GPC5: variants seen among roughly 807,000 people sequenced by gnomAD.
GPC5 encodes the protein glypican-5.
In GPC5, 47 loss-of-function variants were observed where a neutral mutation model predicts 53.9. That is an observed-to-expected ratio of 0.87 (90% confidence interval 0.69 to 1.11). GPC5 has a LOEUF of 1.11. Among genes scored for constraint, GPC5 ranks in the 50% most tolerant of loss-of-function variants. The probability of loss-of-function intolerance (pLI) is 0.00; values close to 1 mark genes in which losing one functional copy is unlikely to be tolerated. For missense variants in GPC5, 748 were observed against 713.1 expected, an observed-to-expected ratio of 1.05 and a Z score of -0.56; for synonymous variants, 286 against 263.3, an observed-to-expected ratio of 1.09 and a Z score of -0.84.
At chr13:92,195,849 A>G (rs2042253038) in intron 7 of GPC5, among the ~76,000 whole-genome samples, 1 of 152,200 alleles carries the variant, frequency 6.6e-6, no homozygotes, top group Admixed American at 6.5e-5. Context: ...TGATCTACCC[A>G]TTCATCTACT....
intron 6 of GPC5, among the ~76,000 whole-genome samples, chr13:91,980,427 C>T (rs1292810377): frequency 1.3e-5 from 2 of 152,062 alleles, no homozygotes; most frequent in East Asian, 3.9e-4. Flanking sequence ...CAAATATATA[C>T]ACTCACGGAA....
chr13:92,260,782 A>G lies in GPC5; in HGVS notation c.1561+115793A>G, dbSNP rs138381043. 3.9e-4 allele frequency among the ~76,000 whole-genome samples: 59 copies of G among 152,284 alleles called. 1 individual carries two copies. In the East Asian group the frequency reaches 0.011, roughly 28 times the overall value. ...TGGTAGAAAGACTGATAAAACATCC[A>G]TCTCTATTCCTGTCTTATTACTTGA... On this transcript the variant is annotated intron_variant, in intron 7 of 7. Coordinates refer to ENST00000377067, the MANE Select transcript of GPC5 (RefSeq NM_004466.6).
At chr13:91,683,195 G>A (rs1212266891) in intron 2 of GPC5, among the ~76,000 whole-genome samples, 8 of 152,094 alleles carry the variant, frequency 5.3e-5, no homozygotes, top group Non-Finnish European at 2.9e-5. Flanking sequence ...GACAATGTGA[G>A]ATTAGAGTGA....
intron 7 of GPC5, among the ~76,000 whole-genome samples, chr13:92,317,616 C>T (rs1029847580): frequency 2.6e-5 from 4 of 152,148 alleles, no homozygotes; most frequent in Non-Finnish European, 5.9e-5. Context: ...GCCTCAGCCT[C>T]CTGAGAAGCT....
chr13:92,469,620 A>G (rs1256749626), intron 7 of GPC5, among the ~76,000 whole-genome samples: 4 of 152,078 alleles, frequency 2.6e-5, no homozygotes, highest in Non-Finnish European at 5.9e-5. Context: ...AAAGCCTTAA[A>G]TCTTGTCTGT....
chr13:91,767,770 A>G (rs552561819), intron 5 of GPC5, among the ~76,000 whole-genome samples: 2 of 152,212 alleles, frequency 1.3e-5, no homozygotes, highest in Non-Finnish European at 2.9e-5. Flanking sequence ...AAGATAAAAG[A>G]TAGCAAGATA....
chr13:91,403,552 A>C (rs1877106630), intron 1 of GPC5, among the ~76,000 whole-genome samples: 1 of 152,216 alleles, frequency 6.6e-6, no homozygotes, highest in Non-Finnish European at 1.5e-5. Context: ...TTGTGGTTGC[A>C]GAGTGCCTTT....
intron 1 of GPC5, among the ~76,000 whole-genome samples, chr13:91,405,170 G>A (rs1192900917): frequency 6.6e-6 from 1 of 152,196 alleles, no homozygotes; most frequent in Non-Finnish European, 1.5e-5. Flanking sequence ...TCATGGCTTT[G>A]TACATGATTT....
At chr13:92,857,600 A>G (rs1217592190) in intron 7 of GPC5, among the ~76,000 whole-genome samples, 1 of 152,196 alleles carries the variant, frequency 6.6e-6, no homozygotes, top group African/African-American at 2.4e-5. Context: ...AGAGTCTATA[A>G]GGAAGTTAAA....
At chr13:92,817,203 C>G (rs2078290999) in intron 7 of GPC5, among the ~76,000 whole-genome samples, 1 of 152,014 alleles carries the variant, frequency 6.6e-6, no homozygotes, top group Non-Finnish European at 1.5e-5. Context: ...CCCACACATA[C>G]ACAAACTTTC....
At chr13:92,264,910 G>C (rs1171544693) in intron 7 of GPC5, among the ~76,000 whole-genome samples, 1 of 135,274 alleles carries the variant, frequency 7.4e-6, no homozygotes, top group African/African-American at 2.8e-5. Context: ...GTGTGTGTGT[G>C]TGTGTGTGTG....
At chr13:91,800,617 A>G (rs1353238292) in intron 5 of GPC5, among the ~76,000 whole-genome samples, 5 of 152,144 alleles carry the variant, frequency 3.3e-5, no homozygotes, top group Non-Finnish European at 5.9e-5. Flanking sequence ...CAGAGTACAT[A>G]ATATGCTTAA....
intron 7 of GPC5, among the ~76,000 whole-genome samples, chr13:92,484,230 C>A (rs1232938661): frequency 6.6e-6 from 1 of 152,118 alleles, no homozygotes. Flanking sequence ...ACTGGAGGGA[C>A]TTCAAGGTCA....
At chr13:91,902,712 G>T (rs1188610486) in intron 5 of GPC5, among the ~76,000 whole-genome samples, 5 of 151,980 alleles carry the variant, frequency 3.3e-5, no homozygotes, top group African/African-American at 1.2e-4. Flanking sequence ...GTCACGAGGG[G>T]AACTCAAATA....
intron 7 of GPC5, among the ~76,000 whole-genome samples, chr13:92,738,522 T>C (rs1031904097): frequency 5.9e-5 from 9 of 152,082 alleles, no homozygotes; most frequent in African/African-American, 1.7e-4. Flanking sequence ...GAAATGATAA[T>C]GTTATAGTTA....
At chr13:92,090,591 A>C (rs1326736503) in intron 6 of GPC5, among the ~76,000 whole-genome samples, 2 of 152,172 alleles carry the variant, frequency 1.3e-5, no homozygotes, top group Non-Finnish European at 2.9e-5. Flanking sequence ...AGAATCCACC[A>C]ATTTATGATA....
chr13:92,312,234 C>T (rs2043149767), intron 7 of GPC5, among the ~76,000 whole-genome samples: 1 of 152,076 alleles, frequency 6.6e-6, no homozygotes, highest in Non-Finnish European at 1.5e-5. Flanking sequence ...CTTTCTAGAA[C>T]ATCTCCAGTT....
intron 7 of GPC5, among the ~76,000 whole-genome samples, chr13:92,733,674 T>C (rs984582522): frequency 1.2e-4 from 18 of 151,796 alleles, no homozygotes; most frequent in East Asian, 3.9e-4. Context: ...TCTCTAAGGG[T>C]TGAATTTTTT....
chr13:91,589,570 A>T (rs1347378935), intron 2 of GPC5, among the ~76,000 whole-genome samples: 3 of 152,118 alleles, frequency 2.0e-5, no homozygotes, highest in Non-Finnish European at 4.4e-5. Context: ...GGAAGGAGAG[A>T]TCTATAAACA....
Sources: allele counts gnomAD v4.1 joint callset (sites outside exome capture counted in the v4.1 genomes callset), GRCh38; gene constraint gnomAD v4.1.1; transcripts MANE v1.5; gene names NCBI Gene and HGNC (gene_info 2026-07-23, HGNC 2026-07-21).